Variants in LEPR observed in about 807,000 individuals in gnomAD.
LEPR encodes OB receptor.
A neutral mutation model predicts 114.7 loss-of-function variants in LEPR; 56 were observed. The ratio of observed to expected loss-of-function variants is 0.49; its 90% CI spans 0.39 to 0.61. The LOEUF is 0.61. Ranked by LOEUF, LEPR falls within the 20% of genes least tolerant of loss-of-function variation. The pLI is 0.00. For synonymous variants in LEPR, 443 were observed against 461.4 expected, an observed-to-expected ratio of 0.96 and a Z score of 0.51; for missense variants, 1,202 against 1,352.9, an observed-to-expected ratio of 0.89 and a Z score of 1.75.
rs1032609236 is a variant in LEPR at position 65,526,069 on chromosome 1, C to A, written c.-20-39477C>A. ...GAGGAAGATCTGGACACACGGCTGA[C>A]AGCAGCCGGCAGCGCCTGGAGCGAA... is the stretch of plus-strand genomic sequence containing the variant. On this transcript the variant is annotated intron_variant, in intron 2 of 19. Transcript: ENST00000349533. The A allele has an allele frequency of 1.0e-5, 10 of 962,932 alleles. No individual in the cohort carries two copies. The African/African-American group carries it at 1.4e-4, about 14-fold the overall frequency. 59.6% of individuals were successfully genotyped at this position (962,932 alleles called of 1,614,324 possible). A position where few individuals can be genotyped will look rare whatever the true frequency, so the allele number is the denominator to read the frequency against.
chr1:65,550,227 G>T (rs191154364), intron 2 of LEPR, among the ~76,000 whole-genome samples: 5,282 of 152,234 alleles, frequency 0.035, 154 homozygotes, highest in African/African-American at 0.067. Context: ...GCCCCTACTG[G>T]GGGGTGCCTC....
chr1:65,438,422 C>T (rs756242697), intron 2 of LEPR, among the ~76,000 whole-genome samples: 3 of 151,832 alleles, frequency 2.0e-5, no homozygotes, highest in Non-Finnish European at 4.4e-5. Flanking sequence ...TGGTGGCTCA[C>T]GCGTGTAGTC....
At chr1:65,440,094 A>G (rs976377870) in intron 2 of LEPR, among the ~76,000 whole-genome samples, 2 of 151,804 alleles carry the variant, frequency 1.3e-5, no homozygotes, top group African/African-American at 4.8e-5. Context: ...AGAATGACTT[A>G]CAGTGGTGCT....
chr1:65,584,600 C>T (rs1655199099), intron 5 of LEPR, among the ~76,000 whole-genome samples: 1 of 152,052 alleles, frequency 6.6e-6, no homozygotes, highest in Non-Finnish European at 1.5e-5. Flanking sequence ...TGCTAGAATA[C>T]ACACAAAGCA....
intron 2 of LEPR, among the ~76,000 whole-genome samples, chr1:65,519,109 CTCCT>C (rs202044069): frequency 0.28 from 30,528 of 109,380 alleles, 4,636 homozygotes; most frequent in East Asian, 0.69. Flanking sequence ...GTGTCTCTCT[CTCCT>C]TCCTTCCTTC....
chr1:65,499,799 A>C (rs536022599), intron 2 of LEPR, among the ~76,000 whole-genome samples: 1 of 152,296 alleles, frequency 6.6e-6, no homozygotes, highest in African/African-American at 2.4e-5. Context: ...GTATTTGTAT[A>C]AAATTTTACA....
At chr1:65,546,715 C>G (rs1348540838) in intron 2 of LEPR, among the ~76,000 whole-genome samples, 2 of 152,160 alleles carry the variant, frequency 1.3e-5, no homozygotes, top group African/African-American at 4.8e-5. Flanking sequence ...TGGGCTGAGA[C>G]AATGGGGTTT....
chr1:65,504,866 ATCTT>A (rs1648642862), intron 2 of LEPR, among the ~76,000 whole-genome samples: 1 of 152,190 alleles, frequency 6.6e-6, no homozygotes, highest in Non-Finnish European at 1.5e-5. Flanking sequence ...GAATTCTACT[ATCTT>A]TATCACTTTT....
At chr1:65,486,093 TTTTAAC>T (rs1219522708) in intron 2 of LEPR, among the ~76,000 whole-genome samples, 1 of 152,204 alleles carries the variant, frequency 6.6e-6, no homozygotes, top group Non-Finnish European at 1.5e-5. Context: ...CTTCTGGGAA[TTTTAAC>T]TTTATTTCTG....
intron 14 of LEPR, among the ~76,000 whole-genome samples, chr1:65,615,073 C>A (rs562793932): frequency 6.6e-6 from 1 of 152,072 alleles, no homozygotes; most frequent in South Asian, 2.1e-4. Context: ...TGAAACATTT[C>A]TTTCTTGCGG....
At chr1:65,520,409 A>G (rs528903533) in intron 2 of LEPR, among the ~76,000 whole-genome samples, 1 of 152,322 alleles carries the variant, frequency 6.6e-6, no homozygotes, top group South Asian at 2.1e-4. Context: ...TCCCTCTGGT[A>G]TATTGACTTC....
At chr1:65,533,966 T>G (rs1650581730) in intron 2 of LEPR, among the ~76,000 whole-genome samples, 1 of 152,158 alleles carries the variant, frequency 6.6e-6, no homozygotes, top group Non-Finnish European at 1.5e-5. Flanking sequence ...TGTCTCTGTA[T>G]CCTATATCAT....
intron 19 of LEPR, among the ~76,000 whole-genome samples, chr1:65,635,683 CT>C: frequency 6.6e-6 from 1 of 152,194 alleles, no homozygotes; most frequent in Middle Eastern, 3.4e-3. Context: ...GTTATTTTAA[CT>C]GTTTTTAGAC....
At position 65,525,766 on chromosome 1, in the gene LEPR, C is replaced by T. The variant is rs954179850; in HGVS notation, c.-20-39780C>T. The T allele has an allele frequency of 2.7e-5, 27 of 986,048 alleles. No homozygotes were observed. In the Admixed American group the frequency reaches 5.5e-4, roughly 20 times the overall value. The allele number at this position is 986,048 out of a possible 1,614,324, so 61.1% of individuals were successfully genotyped here. The stretch of plus-strand genomic sequence containing the variant: ...AGCGCGCGCGACGCAGGTGCCCGAG[C>T]CCCGGCGCCGCCGCCATCTCTGCCT... On this transcript the variant is annotated intron_variant, in intron 2 of 19. Coordinates refer to ENST00000349533, the MANE Select transcript of LEPR (RefSeq NM_002303.6).
intron 2 of LEPR, chr1:65,433,185 C>T (rs1405812433): frequency 1.1e-5 from 11 of 985,350 alleles, no homozygotes; most frequent in African/African-American, 1.7e-5. Flanking sequence ...CCCTACTCCT[C>T]AACAGTTCTG....
chr1:65,487,124 T>C (rs1395482323), intron 2 of LEPR, among the ~76,000 whole-genome samples: 1 of 152,108 alleles, frequency 6.6e-6, no homozygotes, highest in Non-Finnish European at 1.5e-5. Context: ...TATAATAGAA[T>C]TTTTGGAAAG....
intron 19 of LEPR, chr1:65,626,222 G>C: frequency 6.4e-7 from 1 of 1,570,346 alleles, no homozygotes; most frequent in Non-Finnish European, 8.6e-7. Context: ...CTCTCCCTGA[G>C]GTGTGCACAA....
At chr1:65,434,459 G>A (rs780471575) in intron 2 of LEPR, 13 of 985,188 alleles carry the variant, frequency 1.3e-5, no homozygotes, top group African/African-American at 1.7e-5. Flanking sequence ...AAACAAGTGG[G>A]TTACAAGCAG....
At chr1:65,563,470 A>C (rs1400296785) in intron 2 of LEPR, among the ~76,000 whole-genome samples, 4 of 3,074 alleles carry the variant, frequency 1.3e-3, no homozygotes, top group African/African-American at 3.9e-3. Flanking sequence ...TTTTTTTCAA[A>C]GTTTTCAACT....
Sources: gnomAD v4.1 joint callset for allele counts (sites outside exome capture counted in the v4.1 genomes callset) on GRCh38, gnomAD v4.1.1 for gene constraint, MANE v1.5 for transcripts, NCBI Gene and HGNC (gene_info 2026-07-23, HGNC 2026-07-21) for gene names.